Variants in PDE3A observed in about 807,000 individuals in gnomAD.
PDE3A encodes cGMP-inhibited 3',5'-cyclic phosphodiesterase 3A.
Under a neutral mutation model 98.3 loss-of-function variants are expected in PDE3A, and 43 were observed. The observed-to-expected ratio is 0.44, with a 90% CI of 0.34 to 0.56. The LOEUF (loss-of-function observed/expected upper bound fraction) is 0.56. Ranked by LOEUF, PDE3A falls within the 20% of genes least tolerant of loss-of-function variation. The pLI is 0.01. For missense variants in PDE3A, 1,427 were observed against 1,440.7 expected (o/e 0.99, Z 0.15); for synonymous variants, 663 against 567.9 (o/e 1.17, Z -2.38).
At chr12:20,553,704 C>T (rs1592051131) in intron 1 of PDE3A, among the ~76,000 whole-genome samples, 2 of 152,378 alleles carry the variant, frequency 1.3e-5, no homozygotes, top group Admixed American at 6.5e-5. Context: ...CTCCGCTCCA[C>T]GTGGGGCCAG....
At chr12:20,376,585 C>G (rs145884304) in intron 1 of PDE3A, among the ~76,000 whole-genome samples, 113 of 151,992 alleles carry the variant, frequency 7.4e-4, no homozygotes, top group African/African-American at 2.6e-3. Flanking sequence ...GGAGTCTTAT[C>G]AAACAAAAGT....
intron 1 of PDE3A, among the ~76,000 whole-genome samples, chr12:20,408,177 C>T (rs544746968): frequency 2.6e-5 from 4 of 152,164 alleles, no homozygotes; most frequent in African/African-American, 7.2e-5. Context: ...CTTCAGCCCC[C>T]GAAAGTGTTG....
At chr12:20,571,801 A>C (rs1350398697) in intron 2 of PDE3A, 1 of 431,720 alleles carries the variant, frequency 2.3e-6, no homozygotes, top group Non-Finnish European at 3.1e-6. Context: ...TTTATCATAG[A>C]ACTTAGAACA....
intron 2 of PDE3A, among the ~76,000 whole-genome samples, chr12:20,609,785 G>A (rs1425193745): frequency 6.6e-6 from 1 of 151,960 alleles, no homozygotes; most frequent in Non-Finnish European, 1.5e-5. Context: ...GGTGCTAGGA[G>A]GACACAGGTG....
At chr12:20,549,950 C>A (rs1942155801) in intron 1 of PDE3A, among the ~76,000 whole-genome samples, 1 of 152,106 alleles carries the variant, frequency 6.6e-6, no homozygotes, top group African/African-American at 2.4e-5. Context: ...TTGATCTTAT[C>A]TTCTGGAGTA....
chr12:20,533,718 G>T (rs1941676300), intron 1 of PDE3A, among the ~76,000 whole-genome samples: 1 of 150,610 alleles, frequency 6.6e-6, no homozygotes, highest in South Asian at 2.1e-4. Flanking sequence ...CTGACCTCAT[G>T]ATCCGCCCCG....
intron 15 of PDE3A, among the ~76,000 whole-genome samples, chr12:20,668,172 A>G (rs1945370549): frequency 1.3e-5 from 2 of 152,092 alleles, no homozygotes; most frequent in South Asian, 4.1e-4. Flanking sequence ...ATGAGATTAT[A>G]TCCCGCACCT....
At chr12:20,582,714 G>T (rs7294946) in intron 2 of PDE3A, among the ~76,000 whole-genome samples, 85,615 of 151,752 alleles carry the variant, frequency 0.56, 24,167 homozygotes, top group Admixed American at 0.6. Context: ...CTTTTTTCAT[G>T]TTTGTGTTTG....
rs957076550 is a variant in PDE3A at position 20,682,801 on chromosome 12, C to G, written c.*2530C>G. 3.3e-5 allele frequency: 5 copies of G among 152,264 alleles called. No homozygotes were observed. The East Asian group carries it at 9.7e-4, about 29-fold the overall frequency. The allele number at this position is 152,264 out of a possible 1,614,324, so 9.4% of individuals were successfully genotyped here. ...GCAAAGTCAATATTTTCCCATTTTC[C>G]AAATGCGTCCATCTCTAACATAAAT... On this transcript the variant is annotated 3_prime_UTR_variant, in exon 16 of 16. Coordinates refer to ENST00000359062, the MANE Select transcript of PDE3A (RefSeq NM_000921.5).
chr12:20,625,783 C>T (rs535337772), intron 5 of PDE3A, among the ~76,000 whole-genome samples: 7 of 152,022 alleles, frequency 4.6e-5, no homozygotes, highest in South Asian at 2.1e-4. Flanking sequence ...AATTAAAGGC[C>T]GAATTACTCA....
intron 15 of PDE3A, among the ~76,000 whole-genome samples, chr12:20,657,847 A>C (rs1157352673): frequency 2.0e-5 from 3 of 152,196 alleles, no homozygotes; most frequent in Non-Finnish European, 4.4e-5. Flanking sequence ...GAAGGAAAAA[A>C]GAGGAAAATT....
rs958525185 is a variant in PDE3A, at chr12:20,600,466, A to G, written c.1012-12977A>G. On this transcript the variant is annotated intron_variant, in intron 2 of 15. Coordinates refer to ENST00000359062, the MANE Select transcript of PDE3A (RefSeq NM_000921.5). ...CTTGAATATGGCTCATATTCCTGCCATGATCTGTTTCCTCAGACCTCTCCA... is the reference window on the plus strand; with the variant it reads ...CTTGAATATGGCTCATATTCCTGCCGTGATCTGTTTCCTCAGACCTCTCCA... 4.6e-5 allele frequency among the ~76,000 whole-genome samples: 7 copies of G among 152,130 alleles called. No homozygotes were observed. The East Asian group carries it at 1.3e-3, about 29-fold the overall frequency.
chr12:20,471,287 T>G (rs1049752591), intron 1 of PDE3A, among the ~76,000 whole-genome samples: 8 of 152,162 alleles, frequency 5.3e-5, no homozygotes, highest in Non-Finnish European at 1.2e-4. Context: ...TTTCAGCCTT[T>G]TCTGCACATT....
chr12:20,454,504 C>A (rs1044253553), intron 1 of PDE3A, among the ~76,000 whole-genome samples: 1 of 152,128 alleles, frequency 6.6e-6, no homozygotes, highest in Non-Finnish European at 1.5e-5. Context: ...TTCAGGGGTA[C>A]ATGTGCAGGT....
At chr12:20,611,134 A>G (rs1852729119) in intron 2 of PDE3A, among the ~76,000 whole-genome samples, 1 of 151,980 alleles carries the variant, frequency 6.6e-6, no homozygotes, top group Non-Finnish European at 1.5e-5. Context: ...ACATATACAC[A>G]TAACATGTTG....
intron 15 of PDE3A, among the ~76,000 whole-genome samples, chr12:20,670,973 G>C (rs1208438809): frequency 2.5e-5 from 3 of 121,832 alleles, no homozygotes; most frequent in African/African-American, 1.1e-4. Flanking sequence ...AAGAAAAAAA[G>C]AGAGAAGAAT....
At chr12:20,386,704 T>A (rs1943816828) in intron 1 of PDE3A, among the ~76,000 whole-genome samples, 1 of 152,040 alleles carries the variant, frequency 6.6e-6, no homozygotes, top group Non-Finnish European at 1.5e-5. Flanking sequence ...ATGAATAGAT[T>A]GCAAAAATTT....
chr12:20,463,913 T>C (rs1945297059), intron 1 of PDE3A, among the ~76,000 whole-genome samples: 1 of 152,178 alleles, frequency 6.6e-6, no homozygotes, highest in African/African-American at 2.4e-5. Flanking sequence ...TTTAGACTTT[T>C]CTATTTTACA....
Position 20,466,963 on chromosome 12 carries a change from C to A in PDE3A, c.961-89697C>A, listed in dbSNP as rs551536124. The stretch of plus-strand genomic sequence containing the variant: ...GCCATTTGAACTCCAGAGTTGAATT[C>A]AAATTTTTCAGAAATAAGCACATAT... On this transcript the variant is annotated intron_variant, in intron 1 of 15. Coordinates refer to ENST00000359062, the MANE Select transcript of PDE3A (RefSeq NM_000921.5). Among the ~76,000 whole-genome samples, 6 of 152,170 alleles carry A rather than the reference C, an allele frequency of 3.9e-5. No individual in the cohort carries two copies. The South Asian group carries it at 1.2e-3, about 32-fold the overall frequency.
Sources: allele counts gnomAD v4.1 joint callset (sites outside exome capture counted in the v4.1 genomes callset), GRCh38; gene constraint gnomAD v4.1.1; transcripts MANE v1.5; gene names NCBI Gene and HGNC (gene_info 2026-07-23, HGNC 2026-07-21).